NRCAM: variants seen among roughly 807,000 people sequenced by gnomAD.
The protein encoded by NRCAM is neuronal cell adhesion molecule.
Under a neutral mutation model 156.5 loss-of-function variants are expected in NRCAM, and 83 were observed. The ratio of observed to expected loss-of-function variants is 0.53; its 90% CI spans 0.44 to 0.64. The LOEUF (loss-of-function observed/expected upper bound fraction) is 0.64, where lower values mean the gene tolerates loss of function less well. Among genes scored for constraint, NRCAM ranks in the 30% least tolerant of loss-of-function variants. The probability of loss-of-function intolerance (pLI) is 0.00; values close to 1 mark genes in which losing one functional copy is unlikely to be tolerated. For missense variants in NRCAM, 1,417 were observed against 1,597.3 expected, an observed-to-expected ratio of 0.89 and a Z score of 1.92; for synonymous variants, 538 against 563.9, an observed-to-expected ratio of 0.95 and a Z score of 0.65.
chr7:108,337,108 A>T (rs1437803545), intron 2 of NRCAM, among the ~76,000 whole-genome samples: 1 of 151,974 alleles, frequency 6.6e-6, no homozygotes, highest in East Asian at 1.9e-4. Context: ...TACTAAAAAC[A>T]GAAAAATTAG....
chr7:108,430,480 CAT>C (rs1268703915), intron 1 of NRCAM, among the ~76,000 whole-genome samples: 1 of 152,168 alleles, frequency 6.6e-6, no homozygotes, highest in Non-Finnish European at 1.5e-5. Flanking sequence ...AGGAGTCAAG[CAT>C]AACTTCAAAA....
At chr7:108,277,916 G>T (rs1167758014) in intron 3 of NRCAM, among the ~76,000 whole-genome samples, 1 of 152,116 alleles carries the variant, frequency 6.6e-6, no homozygotes, top group African/African-American at 2.4e-5. Context: ...CTAGAGATGG[G>T]GTTTTGATGT....
chr7:108,229,506 G>A (rs549665067), intron 8 of NRCAM, among the ~76,000 whole-genome samples: 2 of 152,228 alleles, frequency 1.3e-5, no homozygotes, highest in African/African-American at 4.8e-5. Context: ...TTCAGTGACT[G>A]CTTCTTCTCA....
In NRCAM at chr7:108,155,415, G is replaced by A. The variant is rs138565464; in HGVS notation, c.3677+4048C>T. Among the ~76,000 whole-genome samples, 946 of 151,940 alleles carry A rather than the reference G, an allele frequency of 6.2e-3. 9 individuals are homozygous for A. Among genetic ancestry groups the A allele is most frequent in the African/African-American group, 0.022 (895 of 41,448 alleles). On this transcript the variant is annotated intron_variant, in intron 32 of 32. Transcript: ENST00000379028. Reference sequence around the variant, plus strand: ...TATACAAGTATTGATACAATATCAAGTATATTCTTGATACTTAGATTCATG... The same window carrying A: ...TATACAAGTATTGATACAATATCAAATATATTCTTGATACTTAGATTCATG...
rs1587641044 is a variant in NRCAM, at chr7:108,194,566, T to C, written c.1464-138A>G. On this transcript the variant is annotated intron_variant, in intron 15 of 32. Coordinates refer to ENST00000379028, the MANE Select transcript of NRCAM (RefSeq NM_001037132.4). ...GCTAGAAGGATTGTACTTTTGAAAG[T>C]ATCAATAGGAAAATAACCAGGGAAG... The C allele has an allele frequency of 1.7e-5, 10 of 590,928 alleles. No homozygotes were observed. In the East Asian group the frequency reaches 2.9e-4, roughly 17 times the overall value. 36.6% of individuals were successfully genotyped at this position (590,928 alleles called of 1,614,324 possible).
intron 3 of NRCAM, among the ~76,000 whole-genome samples, chr7:108,256,643 C>CA (rs775728284): frequency 3.8e-4 from 57 of 151,784 alleles, no homozygotes; most frequent in Admixed American, 7.9e-4. Context: ...CAAACAACAA[C>CA]AAAAAAAACA....
chr7:108,226,530 T>TAAA (rs3078782), intron 8 of NRCAM, 152 bp from the exon 9 acceptor site: 5 of 394,536 alleles, frequency 1.3e-5, no homozygotes, highest in Admixed American at 8.9e-5. Flanking sequence ...CAAATAACTG[T>TAAA]AAAAAAAAAA....
intron 25 of NRCAM, among the ~76,000 whole-genome samples, chr7:108,179,070 T>C (rs1321420977): frequency 6.6e-6 from 1 of 152,200 alleles, no homozygotes; most frequent in Admixed American, 6.5e-5. Context: ...CTTCTAAGCT[T>C]CCCCAACCCA....
intron 20 of NRCAM, among the ~76,000 whole-genome samples, chr7:108,185,239 G>C (rs1021281389): frequency 6.6e-6 from 1 of 152,084 alleles, no homozygotes; most frequent in Non-Finnish European, 1.5e-5. Context: ...TATTTAAGGC[G>C]CATACTAAAT....
rs2072606670 is a variant in NRCAM at position 108,192,531 on chromosome 7, T to C, written c.1779-678A>G. On this transcript the variant is annotated intron_variant, in intron 17 of 32. Transcript: ENST00000379028. Reference sequence around the variant, plus strand: ...TGTCTTCCATGAAACCAGTCCCTGGTGCCAAAAAGGTTGGGGACCACTGCT... The same window carrying C: ...TGTCTTCCATGAAACCAGTCCCTGGCGCCAAAAAGGTTGGGGACCACTGCT... 2.0e-5 allele frequency among the ~76,000 whole-genome samples: 3 copies of C among 151,940 alleles called. No homozygotes were observed. In the South Asian group the frequency reaches 6.2e-4, roughly 32 times the overall value.
At chr7:108,372,718 C>T (rs564742026) in intron 2 of NRCAM, among the ~76,000 whole-genome samples, 4 of 152,120 alleles carry the variant, frequency 2.6e-5, no homozygotes, top group East Asian at 3.9e-4. Context: ...TTGGCATGGA[C>T]GTGGAGAAAC....
intron 1 of NRCAM, among the ~76,000 whole-genome samples, chr7:108,401,661 A>G (rs1342829383): frequency 6.6e-6 from 1 of 152,212 alleles, no homozygotes; most frequent in Non-Finnish European, 1.5e-5. Flanking sequence ...CCTAGGTACT[A>G]TTATCATTGC....
intron 1 of NRCAM, among the ~76,000 whole-genome samples, chr7:108,450,257 C>CT (rs11316439): frequency 0.15 from 21,819 of 144,948 alleles, 1,683 homozygotes; most frequent in Middle Eastern, 0.24. Context: ...TTACCACTGG[C>CT]TTTTTTTTTT....
chr7:108,421,630 G>T (rs1331066768), intron 1 of NRCAM, among the ~76,000 whole-genome samples: 1 of 152,170 alleles, frequency 6.6e-6, no homozygotes, highest in Admixed American at 6.5e-5. Context: ...AATACAAAAT[G>T]ATGTCAATTC....
chr7:108,428,486 T>A (rs983977085), intron 1 of NRCAM, among the ~76,000 whole-genome samples: 3 of 152,170 alleles, frequency 2.0e-5, no homozygotes, highest in African/African-American at 7.2e-5. Flanking sequence ...CCTTTCAGCT[T>A]GTGAGAAGAC....
intron 30 of NRCAM, among the ~76,000 whole-genome samples, chr7:108,161,941 T>TCCC (rs2049328668): frequency 6.6e-6 from 1 of 152,230 alleles, no homozygotes; most frequent in African/African-American, 2.4e-5. Context: ...AAGCATCAGT[T>TCCC]TAGGCAGTTT....
At chr7:108,229,981 A>T (rs2094095002) in intron 8 of NRCAM, among the ~76,000 whole-genome samples, 1 of 152,184 alleles carries the variant, frequency 6.6e-6, no homozygotes, top group Admixed American at 6.5e-5. Context: ...GACATGCCTC[A>T]TAGGGTTGTT....
intron 1 of NRCAM, among the ~76,000 whole-genome samples, chr7:108,423,860 A>G (rs1047109598): frequency 9.9e-5 from 15 of 152,256 alleles, no homozygotes; most frequent in African/African-American, 3.6e-4. Context: ...GGGAAGCCAC[A>G]TAATTGACAT....
intron 32 of NRCAM, among the ~76,000 whole-genome samples, chr7:108,151,948 G>C (rs1313665458): frequency 6.6e-6 from 1 of 152,058 alleles, no homozygotes; most frequent in African/African-American, 2.4e-5. Context: ...CATTTCTTTG[G>C]TCTAGCCATC....
Sources: gnomAD v4.1 joint callset for allele counts (sites outside exome capture counted in the v4.1 genomes callset) on GRCh38, gnomAD v4.1.1 for gene constraint, MANE v1.5 for transcripts, NCBI Gene and HGNC (gene_info 2026-07-23, HGNC 2026-07-21) for gene names.